JHY: variants seen among roughly 807,000 people sequenced by gnomAD.
The protein encoded by JHY is jhy protein homolog.
In JHY, 69 loss-of-function variants were observed where a neutral mutation model predicts 78.0. The ratio of observed to expected loss-of-function variants is 0.88; its 90% CI spans 0.73 to 1.08. The LOEUF is 1.08. Among genes scored for constraint, JHY ranks in the 50% least tolerant of loss-of-function variants. The pLI is 0.00. For synonymous variants in JHY, 368 were observed against 342.6 expected (o/e 1.07, Z -0.82); for missense variants, 944 against 927.8 (o/e 1.02, Z -0.23).
At chr11:122,957,222 C>A (rs1864211185) in intron 7 of JHY, 141 bp from the exon 8 acceptor site, 2 of 871,624 alleles carry the variant, frequency 2.3e-6, no homozygotes, top group Non-Finnish European at 3.2e-6. Flanking sequence ...TCACTGCTGC[C>A]ACCTTACTCA....
At chr11:122,890,888 T>A (rs563607529) in intron 2 of JHY, among the ~76,000 whole-genome samples, 1 of 152,270 alleles carries the variant, frequency 6.6e-6, no homozygotes, top group East Asian at 1.9e-4. Context: ...ACACTGAAAT[T>A]AGGATAACCA....
At chr11:122,926,779 A>G (rs943052397) in intron 4 of JHY, among the ~76,000 whole-genome samples, 4 of 152,214 alleles carry the variant, frequency 2.6e-5, no homozygotes, top group African/African-American at 9.6e-5. Flanking sequence ...TACTTGATTC[A>G]TGACTGGGCA....
intron 4 of JHY, among the ~76,000 whole-genome samples, chr11:122,932,558 A>G (rs770538016): frequency 9.9e-5 from 15 of 152,230 alleles, no homozygotes; most frequent in Non-Finnish European, 1.9e-4. Context: ...CATCCTGGTT[A>G]CTTCTCTAGC....
At position 122,956,589 on chromosome 11, in the gene JHY, CACAT is replaced by C; in HGVS notation, c.2010+17_2010+20del. ...CATCAGAGACAAAGTGAGTGAGATG[CACAT>C]ACAGTGTTTCCAGACCTGACTCAGC... On this transcript the variant is annotated intron_variant, in intron 7 of 8. Transcript: ENST00000227349. 6.2e-7 allele frequency: 1 copy of C among 1,610,430 alleles called. No individual in the cohort carries two copies. Among genetic ancestry groups the C allele is most frequent in the South Asian group, 1.1e-5 (1 of 90,898 alleles).
intron 3 of JHY, among the ~76,000 whole-genome samples, chr11:122,914,269 G>T (rs185528654): frequency 1.7e-4 from 26 of 152,178 alleles, no homozygotes; most frequent in East Asian, 1.5e-3. Flanking sequence ...AGGATATATT[G>T]CTCTTTTTCA....
In JHY at chr11:122,962,092, AT is replaced by A. The variant is rs1443039975; in HGVS notation, c.*2648del. Among the ~76,000 whole-genome samples the A allele has an allele frequency of 6.6e-6, 1 of 152,276 alleles. No individual in the cohort carries two copies. The highest frequency in any genetic ancestry group is 1.5e-5 in the Non-Finnish European group (1 of 68,054). ...TTCCATAGTTTACTACTGAATACAA[AT>A]GTTAATAAATATTTTTTAGTTTTTA... On this transcript the variant is annotated 3_prime_UTR_variant, in exon 9 of 9. Transcript: ENST00000227349.
intron 6 of JHY, among the ~76,000 whole-genome samples, chr11:122,949,030 G>A (rs1242478868): frequency 6.6e-6 from 1 of 151,868 alleles, no homozygotes; most frequent in Non-Finnish European, 1.5e-5. Context: ...GTTGCAGTGA[G>A]CCGAGATTGC....
At position 122,904,355 on chromosome 11, in the gene JHY, A is replaced by C; in HGVS notation, c.775A>C (p.Asn259His). 1.9e-6 allele frequency: 3 copies of C among 1,614,158 alleles called. No homozygotes were observed. The highest frequency in any genetic ancestry group is 2.5e-6 in the Non-Finnish European group (3 of 1,180,034). ...RKSKQHFVEK[N>H]KLTLGLPTPK... Reference sequence around the variant, plus strand: ...ATCCAAACAACATTTTGTGGAAAAAAACAAGCTCACTTTGGGATTACCCAC... The same window carrying C: ...ATCCAAACAACATTTTGTGGAAAAACACAAGCTCACTTTGGGATTACCCAC... Residue 259 changes from asparagine to histidine, a missense_variant, in exon 3 of 9, where the codon AAC becomes CAC. Transcript: ENST00000227349.
intron 4 of JHY, chr11:122,926,976 A>G (rs1236455168): frequency 6.6e-6 from 1 of 152,222 alleles, no homozygotes; most frequent in Admixed American, 6.5e-5. Context: ...AGCTTTCATA[A>G]TTGTCACTAA....
chr11:122,949,654 C>G (rs959345980), intron 6 of JHY, among the ~76,000 whole-genome samples: 1 of 152,038 alleles, frequency 6.6e-6, no homozygotes, highest in Non-Finnish European at 1.5e-5. Context: ...CCTTCACATA[C>G]CCCCACCTGG....
intron 5 of JHY, among the ~76,000 whole-genome samples, chr11:122,943,270 T>C (rs1451546172): frequency 6.6e-6 from 1 of 152,244 alleles, no homozygotes; most frequent in Admixed American, 6.5e-5. Flanking sequence ...AAAGTTATTT[T>C]AGATATATTT....
Position 122,932,865 on chromosome 11 carries a change from A to G in JHY, c.979-1555A>G, listed in dbSNP as rs370826798. Among the ~76,000 whole-genome samples the G allele has an allele frequency of 5.9e-5, 9 of 152,334 alleles. No individual in the cohort carries two copies. The East Asian group carries it at 1.2e-3, about 20-fold the overall frequency. ...AATACCTAGAATTTACCTGGAATAC[A>G]GAAGAGAAGTTTTCCCTTTTTTGGG... On this transcript the variant is annotated intron_variant, in intron 4 of 8. Transcript: ENST00000227349.
Position 122,899,774 on chromosome 11 carries a change from A to C in JHY, c.345-4151A>C, listed in dbSNP as rs140396406. On this transcript the variant is annotated intron_variant, in intron 2 of 8. Coordinates refer to ENST00000227349, the MANE Select transcript of JHY (RefSeq NM_024806.4). Reference sequence around the variant, plus strand: ...TCATGTTGATCCTCATTCAGTCCTGAGAAATAAAACAAATAGAATTTATCC... The same window carrying C: ...TCATGTTGATCCTCATTCAGTCCTGCGAAATAAAACAAATAGAATTTATCC... 3.8e-3 allele frequency among the ~76,000 whole-genome samples: 572 copies of C among 152,376 alleles called. 4 individuals are homozygous for C. The highest frequency in any genetic ancestry group is 0.013 in the African/African-American group (559 of 41,592).
chr11:122,936,299 C>G lies in JHY; in HGVS notation c.1634+1224C>G, dbSNP rs557709571. Among the ~76,000 whole-genome samples the G allele has an allele frequency of 2.6e-5, 4 of 152,196 alleles. No homozygotes were observed. The South Asian group carries it at 8.3e-4, about 32-fold the overall frequency. ...GAACTTGACTTTCAAAGTAGGGAGA[C>G]AATTACTCCCTCGTGAGTTGATCAA... On this transcript the variant is annotated intron_variant, in intron 5 of 8. Transcript: ENST00000227349.
chr11:122,922,547 C>G (rs1016632202), intron 3 of JHY, among the ~76,000 whole-genome samples: 1 of 151,046 alleles, frequency 6.6e-6, no homozygotes, highest in African/African-American at 2.4e-5. Flanking sequence ...CACGGTGGCT[C>G]ACGCCTGTAA....
intron 3 of JHY, among the ~76,000 whole-genome samples, chr11:122,915,976 A>G (rs1408312184): frequency 6.6e-6 from 1 of 152,176 alleles, no homozygotes; most frequent in Non-Finnish European, 1.5e-5. Context: ...GGTCAATTAA[A>G]TCAAAGATTT....
rs1300881221 is a variant in JHY, at chr11:122,963,109, A to G, written c.*3664A>G. On this transcript the variant is annotated 3_prime_UTR_variant, in exon 9 of 9. Coordinates refer to ENST00000227349, the MANE Select transcript of JHY (RefSeq NM_024806.4). ...TGATAAAAGTAGAATACACATATAAAGCAACTCAAACTTAGAAACTGACCA... is the reference window on the plus strand; with the variant it reads ...TGATAAAAGTAGAATACACATATAAGGCAACTCAAACTTAGAAACTGACCA... Among the ~76,000 whole-genome samples the G allele has an allele frequency of 6.6e-6, 1 of 152,198 alleles. No homozygotes were observed. Among genetic ancestry groups the G allele is most frequent in the Non-Finnish European group, 1.5e-5 (1 of 68,004 alleles).
At chr11:122,930,793 G>A (rs191384359) in intron 4 of JHY, among the ~76,000 whole-genome samples, 27 of 152,304 alleles carry the variant, frequency 1.8e-4, no homozygotes, top group Admixed American at 2.0e-4. Context: ...GCAGTGTGAG[G>A]GGCACATTCC....
At chr11:122,903,825 G>A (rs982842886) in intron 2 of JHY, 100 bp from the exon 3 acceptor site, 3 of 1,435,186 alleles carry the variant, frequency 2.1e-6, no homozygotes, top group Admixed American at 2.3e-5. Flanking sequence ...AAAACTATAG[G>A]AGAAAGACTG....
Sources: allele counts gnomAD v4.1 joint callset (sites outside exome capture counted in the v4.1 genomes callset), GRCh38; gene constraint gnomAD v4.1.1; transcripts MANE v1.5; gene names NCBI Gene and HGNC (gene_info 2026-07-23, HGNC 2026-07-21).